Variants in HPSE2 observed in about 807,000 individuals in gnomAD.
HPSE2 encodes the protein heparanase 2 (inactive).
In HPSE2, 38 loss-of-function variants were observed where a neutral mutation model predicts 60.5. The observed-to-expected ratio is 0.63, with a 90% CI of 0.48 to 0.82. The LOEUF is 0.82. Among genes scored for constraint, HPSE2 ranks in the 40% least tolerant of loss-of-function variants. The pLI is 0.00. For missense variants in HPSE2, 713 were observed against 740.4 expected (o/e 0.96, Z 0.43); for synonymous variants, 295 against 293.2 (o/e 1.01, Z -0.06).
chr10:98,744,248 C>T (rs1423387943), intron 3 of HPSE2, among the ~76,000 whole-genome samples, 192 bp from the exon 4 acceptor site: 2 of 152,308 alleles, frequency 1.3e-5, no homozygotes, highest in Non-Finnish European at 2.9e-5. Context: ...GCAGACAGGG[C>T]TGGGCGCGGT....
chr10:99,079,552 G>C (rs535995309), intron 3 of HPSE2, among the ~76,000 whole-genome samples: 26 of 152,216 alleles, frequency 1.7e-4, no homozygotes, highest in African/African-American at 6.0e-4. Context: ...AGCTGGGATT[G>C]GGGGTTATGG....
At chr10:99,040,985 G>A (rs1477510981) in intron 3 of HPSE2, among the ~76,000 whole-genome samples, 1 of 151,946 alleles carries the variant, frequency 6.6e-6, no homozygotes, top group African/African-American at 2.4e-5. Flanking sequence ...TACTCCGGAG[G>A]CCGAGGCAGG....
In HPSE2 at chr10:98,868,679, C is replaced by T. The variant is rs539032059; in HGVS notation, c.611-124623G>A. 6.8e-4 allele frequency among the ~76,000 whole-genome samples: 104 copies of T among 152,132 alleles called. 1 individual carries two copies. The highest frequency in any genetic ancestry group is 2.4e-3 in the African/African-American group (101 of 41,530). Reference sequence around the variant, plus strand: ...AATTTTAAAAAATTTAATATGAATGCTCAGCACATTAACTTCCAGTCTTCT... The same window carrying T: ...AATTTTAAAAAATTTAATATGAATGTTCAGCACATTAACTTCCAGTCTTCT... On this transcript the variant is annotated intron_variant, in intron 3 of 11. Coordinates refer to ENST00000370552, the MANE Select transcript of HPSE2 (RefSeq NM_021828.5).
At chr10:99,098,131 G>A (rs1177987373) in intron 3 of HPSE2, among the ~76,000 whole-genome samples, 1 of 152,106 alleles carries the variant, frequency 6.6e-6, no homozygotes, top group Non-Finnish European at 1.5e-5. Context: ...ATATCTATGG[G>A]TTCCACAGAT....
At chr10:98,600,427 T>C (rs957476882) in intron 9 of HPSE2, among the ~76,000 whole-genome samples, 3 of 152,162 alleles carry the variant, frequency 2.0e-5, no homozygotes, top group African/African-American at 4.8e-5. Context: ...GGGAAGGTAA[T>C]TATAAGTGTT....
intron 3 of HPSE2, among the ~76,000 whole-genome samples, chr10:98,959,901 T>A (rs537704274): frequency 5.1e-4 from 77 of 152,230 alleles, no homozygotes; most frequent in African/African-American, 1.8e-3. Flanking sequence ...TCTTTCTCCT[T>A]TTTCTATTGC....
At chr10:98,536,152 T>C (rs1943276844) in intron 9 of HPSE2, among the ~76,000 whole-genome samples, 1 of 152,242 alleles carries the variant, frequency 6.6e-6, no homozygotes, top group South Asian at 2.1e-4. Context: ...TTTTAAGATG[T>C]ATGGGCACTT....
intron 9 of HPSE2, among the ~76,000 whole-genome samples, chr10:98,545,074 G>A (rs978831774): frequency 9.9e-5 from 15 of 152,130 alleles, no homozygotes; most frequent in Non-Finnish European, 1.3e-4. Context: ...TAAATTCCTC[G>A]ACACATACAC....
At chr10:98,602,985 A>G (rs775446944) in intron 9 of HPSE2, among the ~76,000 whole-genome samples, 7 of 152,232 alleles carry the variant, frequency 4.6e-5, no homozygotes, top group Non-Finnish European at 7.3e-5. Flanking sequence ...ACCATCAAGA[A>G]AATAAAAAGA....
intron 6 of HPSE2, among the ~76,000 whole-genome samples, chr10:98,657,381 G>T (rs1415942790): frequency 1.3e-5 from 2 of 152,002 alleles, no homozygotes; most frequent in Non-Finnish European, 2.9e-5. Flanking sequence ...ACCCAGGCTG[G>T]AGTGCAGTGG....
chr10:99,080,235 G>C (rs1374641866), intron 3 of HPSE2, among the ~76,000 whole-genome samples: 1 of 152,096 alleles, frequency 6.6e-6, no homozygotes, highest in African/African-American at 2.4e-5. Flanking sequence ...TGAGTTTTAA[G>C]TTGTTGGCCT....
chr10:98,746,214 T>G (rs2134337219), intron 3 of HPSE2, among the ~76,000 whole-genome samples: 1 of 152,348 alleles, frequency 6.6e-6, no homozygotes, highest in African/African-American at 2.4e-5. Context: ...ATTTAATTAT[T>G]ATTTTTAGTT....
intron 2 of HPSE2, among the ~76,000 whole-genome samples, chr10:99,214,564 GTTAAC>G (rs1020445686): frequency 6.6e-6 from 1 of 151,966 alleles, no homozygotes; most frequent in Non-Finnish European, 1.5e-5. Flanking sequence ...TGAAAACTTT[GTTAAC>G]TTAAAGAAGA....
intron 2 of HPSE2, among the ~76,000 whole-genome samples, chr10:99,207,788 T>C (rs1263220147): frequency 2.0e-5 from 3 of 151,922 alleles, no homozygotes; most frequent in East Asian, 1.9e-4. Flanking sequence ...TAAAAACCTA[T>C]AGTAGGTTTA....
At chr10:99,293,062 G>C in the HPSE2 span, among the ~76,000 whole-genome samples, 1 of 152,002 alleles carries the variant, frequency 6.6e-6, no homozygotes, top group East Asian at 1.9e-4. Context: ...AAGTTCTATG[G>C]TTTTCCAGGG....
At chr10:98,878,248 T>C (rs1415543970) in intron 3 of HPSE2, among the ~76,000 whole-genome samples, 2 of 151,974 alleles carry the variant, frequency 1.3e-5, no homozygotes, top group Admixed American at 6.6e-5. Context: ...CAGAATGCTA[T>C]AGGAGGATAT....
At chr10:98,694,136 A>G (rs1948150961) in intron 5 of HPSE2, among the ~76,000 whole-genome samples, 189 bp from the exon 6 acceptor site, 1 of 152,314 alleles carries the variant, frequency 6.6e-6, no homozygotes, top group Middle Eastern at 3.4e-3. Context: ...AAGTGAAAGT[A>G]ACCATACTTC....
intron 3 of HPSE2, among the ~76,000 whole-genome samples, chr10:98,905,870 T>C (rs1023278572): frequency 6.6e-6 from 1 of 152,090 alleles, no homozygotes; most frequent in Non-Finnish European, 1.5e-5. Context: ...CCCTTCAGGG[T>C]CAGGGACAAC....
intron 3 of HPSE2, among the ~76,000 whole-genome samples, chr10:98,940,226 T>G (rs1286249008): frequency 7.1e-6 from 1 of 141,504 alleles, no homozygotes; most frequent in East Asian, 2.0e-4. Context: ...AAGAAATAAC[T>G]AAAACCAGAG....
Sources: gnomAD v4.1 joint callset for allele counts (sites outside exome capture counted in the v4.1 genomes callset) on GRCh38, gnomAD v4.1.1 for gene constraint, MANE v1.5 for transcripts, NCBI Gene and HGNC (gene_info 2026-07-23, HGNC 2026-07-21) for gene names.